PIK3C2G: variants seen among roughly 807,000 people sequenced by gnomAD.
PIK3C2G encodes the protein phosphatidylinositol 3-kinase C2 domain-containing subunit gamma.
In PIK3C2G, 168 loss-of-function variants were observed where a neutral mutation model predicts 181.1. The ratio of observed to expected loss-of-function variants is 0.93; its 90% CI spans 0.82 to 1.05. The LOEUF is 1.05. PIK3C2G is among the 50% of genes least tolerant of loss of function. PIK3C2G has a pLI of 0.00. For synonymous variants in PIK3C2G, 573 were observed against 592.2 expected (o/e 0.97, Z 0.47); for missense variants, 1,869 against 1,732.8 (o/e 1.08, Z -1.40).
chr12:18,381,338 TAA>T (rs1942819806), intron 13 of PIK3C2G, among the ~76,000 whole-genome samples: 2 of 152,178 alleles, frequency 1.3e-5, no homozygotes, highest in Non-Finnish European at 2.9e-5. Context: ...CTTGTATCTT[TAA>T]AGTTTCCCAG....
chr12:18,689,168 T>C, the PIK3C2G span, among the ~76,000 whole-genome samples: 1 of 152,100 alleles, frequency 6.6e-6, no homozygotes, highest in African/African-American at 2.4e-5. Flanking sequence ...GCCATAAACA[T>C]ATAGTACACT....
At chr12:18,676,254 C>A in the PIK3C2G span, among the ~76,000 whole-genome samples, 1 of 152,076 alleles carries the variant, frequency 6.6e-6, no homozygotes, top group African/African-American at 2.4e-5. Flanking sequence ...CTTTTGAGAC[C>A]AGATTTACCT....
the PIK3C2G span, among the ~76,000 whole-genome samples, chr12:18,721,338 A>G: frequency 6.6e-6 from 1 of 152,124 alleles, no homozygotes; most frequent in East Asian, 1.9e-4. Flanking sequence ...CTATAAGATC[A>G]TAATTCAAAT....
At chr12:18,433,141 T>C (rs946694298) in intron 18 of PIK3C2G, among the ~76,000 whole-genome samples, 10 of 152,172 alleles carry the variant, frequency 6.6e-5, no homozygotes, top group African/African-American at 2.4e-4. Flanking sequence ...CCCACTAAAA[T>C]TGTATCCTTG....
At chr12:18,297,857 T>G (rs1323179480) in intron 5 of PIK3C2G, among the ~76,000 whole-genome samples, 1 of 152,086 alleles carries the variant, frequency 6.6e-6, no homozygotes, top group Non-Finnish European at 1.5e-5. Flanking sequence ...CAGCATTTCA[T>G]TCTTTTTTAA....
At chr12:18,348,926 A>G (rs1347987545) in intron 11 of PIK3C2G, among the ~76,000 whole-genome samples, 1 of 152,168 alleles carries the variant, frequency 6.6e-6, no homozygotes, top group Non-Finnish European at 1.5e-5. Context: ...ACTGGGGCTG[A>G]AGAATCCACT....
At chr12:18,711,284 A>G in the PIK3C2G span, among the ~76,000 whole-genome samples, 1 of 149,734 alleles carries the variant, frequency 6.7e-6, no homozygotes, top group Non-Finnish European at 1.5e-5. Context: ...TATCGCAAGG[A>G]CAAAAAACCA....
intron 31 of PIK3C2G, among the ~76,000 whole-genome samples, chr12:18,634,217 C>T (rs906039987): frequency 2.6e-5 from 4 of 152,138 alleles, no homozygotes; most frequent in African/African-American, 9.7e-5. Context: ...GCTCTTTTTG[C>T]TGTGATGTGA....
the PIK3C2G span, among the ~76,000 whole-genome samples, chr12:18,708,326 C>G: frequency 2.6e-5 from 4 of 152,092 alleles, no homozygotes; most frequent in Non-Finnish European, 5.9e-5. Context: ...CTCACTCATG[C>G]TGTGGTAAAT....
At chr12:18,686,575 T>G in the PIK3C2G span, among the ~76,000 whole-genome samples, 2 of 152,076 alleles carry the variant, frequency 1.3e-5, no homozygotes, top group Admixed American at 1.3e-4. Context: ...TATTATGGCT[T>G]CTGCCTTAAA....
chr12:18,719,408 A>G, the PIK3C2G span: 1 of 1,329,976 alleles, frequency 7.5e-7, no homozygotes, highest in Admixed American at 2.6e-5. Flanking sequence ...TAAATGTAAT[A>G]GATTTAAAAA....
chr12:18,306,175 A>AG (rs1450229223), intron 5 of PIK3C2G, among the ~76,000 whole-genome samples: 3 of 152,072 alleles, frequency 2.0e-5, no homozygotes, highest in African/African-American at 7.2e-5. Flanking sequence ...CATTAGGGAT[A>AG]GTTGCCTTTT....
At chr12:18,446,399 G>T (rs972918171) in intron 18 of PIK3C2G, among the ~76,000 whole-genome samples, 1 of 152,104 alleles carries the variant, frequency 6.6e-6, no homozygotes, top group Non-Finnish European at 1.5e-5. Flanking sequence ...TGTATTCTCT[G>T]CCTCCCTAAC....
At chr12:18,426,474 C>A (rs1945823273) in intron 18 of PIK3C2G, among the ~76,000 whole-genome samples, 1 of 152,068 alleles carries the variant, frequency 6.6e-6, no homozygotes, top group Admixed American at 6.6e-5. Flanking sequence ...ACATAATATT[C>A]TTTGCATACT....
chr12:18,694,691 T>C, the PIK3C2G span, among the ~76,000 whole-genome samples: 17 of 152,254 alleles, frequency 1.1e-4, no homozygotes, highest in South Asian at 3.5e-3. Flanking sequence ...AGCCTCAATA[T>C]GTCAATTCAC....
intron 26 of PIK3C2G, among the ~76,000 whole-genome samples, chr12:18,556,708 A>T (rs2136309231): frequency 6.6e-6 from 1 of 152,290 alleles, no homozygotes; most frequent in Middle Eastern, 3.4e-3. Flanking sequence ...TCCTGCTATT[A>T]TCCTCATGTC....
At chr12:18,311,189 T>C (rs1434111460) in intron 5 of PIK3C2G, among the ~76,000 whole-genome samples, 1 of 151,822 alleles carries the variant, frequency 6.6e-6, no homozygotes, top group African/African-American at 2.4e-5. Flanking sequence ...GATTCCACCA[T>C]ATACACACAC....
the PIK3C2G span, among the ~76,000 whole-genome samples, chr12:18,710,940 T>C: frequency 3.9e-5 from 6 of 152,140 alleles, no homozygotes; most frequent in Admixed American, 1.3e-4. Flanking sequence ...TTGGTTGGAC[T>C]GTAAACTAGT....
intron 29 of PIK3C2G, among the ~76,000 whole-genome samples, chr12:18,587,585 T>G (rs1946855296): frequency 6.6e-6 from 1 of 152,196 alleles, no homozygotes; most frequent in South Asian, 2.1e-4. Flanking sequence ...CATTCCATGC[T>G]CATGGATAGA....
Sources: gnomAD v4.1 joint callset for allele counts (sites outside exome capture counted in the v4.1 genomes callset) on GRCh38, gnomAD v4.1.1 for gene constraint, MANE v1.5 for transcripts, NCBI Gene and HGNC (gene_info 2026-07-23, HGNC 2026-07-21) for gene names.